NSUN3: variants seen among roughly 807,000 people sequenced by gnomAD.
The protein encoded by NSUN3 is tRNA (cytosine(34)-C(5))-methyltransferase, mitochondrial.
Under a neutral mutation model 36.8 loss-of-function variants are expected in NSUN3, and 24 were observed. The ratio of observed to expected loss-of-function variants is 0.65; its 90% CI spans 0.47 to 0.92. The LOEUF (loss-of-function observed/expected upper bound fraction) is 0.92, where lower values mean the gene tolerates loss of function less well. Among genes scored for constraint, NSUN3 ranks in the 40% least tolerant of loss-of-function variants. The pLI is 0.00. For synonymous variants in NSUN3, 146 were observed against 145.2 expected (o/e 1.01, Z -0.04); for missense variants, 381 against 392.8 (o/e 0.97, Z 0.25).
chr3:94,119,563 G>C lies in NSUN3; in HGVS notation c.744-6648G>C, dbSNP rs76327295. Among the ~76,000 whole-genome samples, 662 of 152,006 alleles carry C rather than the reference G, an allele frequency of 4.4e-3. 6 individuals are homozygous for C. Among genetic ancestry groups the C allele is most frequent in the African/African-American group, 0.014 (595 of 41,508 alleles). On this transcript the variant is annotated intron_variant, in intron 5 of 5. Transcript: ENST00000314622. ...ACCACTCAACTCCTGCTGTGCAGCT[G>C]GGTTCCTAATAGGTCACAGACTGGT...
chr3:94,075,601 C>T (rs543399019), intron 2 of NSUN3, among the ~76,000 whole-genome samples: 25 of 152,060 alleles, frequency 1.6e-4, no homozygotes, highest in African/African-American at 3.9e-4. Flanking sequence ...AAAAACTTGG[C>T]GATATAGCAT....
Position 94,126,702 on chromosome 3 carries a change from C to T in NSUN3, c.*212C>T, listed in dbSNP as rs953607928. The T allele has an allele frequency of 4.0e-6, 2 of 494,070 alleles. No individual in the cohort carries two copies. Among genetic ancestry groups the T allele is most frequent in the South Asian group, 3.3e-5 (1 of 30,524 alleles). The allele number at this position is 494,070 out of a possible 1,614,324, so 30.6% of individuals were successfully genotyped here. A position where few individuals can be genotyped will look rare whatever the true frequency, so the allele number is the denominator to read the frequency against. Reference sequence around the variant, plus strand: ...TCTGTAACAATGATTTAAGGTGGTGCAGATGGTGTTTGTTCTATATTATAA... The same window carrying T: ...TCTGTAACAATGATTTAAGGTGGTGTAGATGGTGTTTGTTCTATATTATAA... On this transcript the variant is annotated 3_prime_UTR_variant, in exon 6 of 6. Transcript: ENST00000314622.
At chr3:94,113,520 A>G (rs1437792197) in intron 5 of NSUN3, among the ~76,000 whole-genome samples, 3 of 152,184 alleles carry the variant, frequency 2.0e-5, no homozygotes, top group Admixed American at 6.6e-5. Context: ...TATGAAAAAG[A>G]GGAAAGGCAG....
chr3:94,086,477 C>T (rs1478690365), intron 3 of NSUN3, among the ~76,000 whole-genome samples: 1 of 152,186 alleles, frequency 6.6e-6, no homozygotes, highest in Admixed American at 6.5e-5. Flanking sequence ...GCCTTCCTGT[C>T]CCTTAGAACA....
intron 5 of NSUN3, among the ~76,000 whole-genome samples, chr3:94,108,659 TTTTTA>T (rs2077402104): frequency 6.8e-6 from 1 of 146,642 alleles, no homozygotes. Context: ...GCGCCTGGCC[TTTTTA>T]TTTTATTTTT....
chr3:94,065,693 T>A lies in NSUN3; in HGVS notation c.122+1147T>A, dbSNP rs547752198. 7.9e-5 allele frequency among the ~76,000 whole-genome samples: 12 copies of A among 152,360 alleles called. No individual in the cohort carries two copies. The South Asian group carries it at 2.5e-3, about 32-fold the overall frequency. On this transcript the variant is annotated intron_variant, in intron 2 of 5. Coordinates refer to ENST00000314622, the MANE Select transcript of NSUN3 (RefSeq NM_022072.5). The stretch of plus-strand genomic sequence containing the variant: ...AGCTGTTATAGAAATTGGTAAATGC[T>A]GTAATATGCAAACCGTTTATACTCG...
intron 5 of NSUN3, among the ~76,000 whole-genome samples, chr3:94,109,108 C>T (rs1661445744): frequency 6.6e-6 from 1 of 152,210 alleles, no homozygotes; most frequent in Admixed American, 6.5e-5. Flanking sequence ...GGGAGAAATT[C>T]CATGGAGAAT....
In NSUN3 at chr3:94,127,594, A is replaced by T. The variant is rs1344643743; in HGVS notation, c.*1104A>T. 1 of 152,172 alleles carries T rather than the reference A, an allele frequency of 6.6e-6. No individual in the cohort carries two copies. The highest frequency in any genetic ancestry group is 1.5e-5 in the Non-Finnish European group (1 of 68,032). The allele number at this position is 152,172 out of a possible 1,614,324, so 9.4% of individuals were successfully genotyped here. A position where few individuals can be genotyped will look rare whatever the true frequency, so the allele number is the denominator to read the frequency against. The stretch of plus-strand genomic sequence containing the variant: ...GCATCACACTTTTTCTCCAGAAATT[A>T]CTTCACTTAGAGTACAAACATATTT... On this transcript the variant is annotated 3_prime_UTR_variant, in exon 6 of 6. Transcript: ENST00000314622.
chr3:94,097,900 T>C (rs981953416), intron 5 of NSUN3, among the ~76,000 whole-genome samples: 4 of 152,170 alleles, frequency 2.6e-5, no homozygotes, highest in Non-Finnish European at 2.9e-5. Context: ...TCCCAATACA[T>C]GAGCTTAGAC....
intron 2 of NSUN3, among the ~76,000 whole-genome samples, chr3:94,072,919 C>T (rs1187911579): frequency 6.6e-6 from 1 of 152,072 alleles, no homozygotes; most frequent in Non-Finnish European, 1.5e-5. Flanking sequence ...CCATCACCTA[C>T]ATTAGGTATT....
At position 94,126,328 on chromosome 3, in the gene NSUN3, G is replaced by A. The variant is rs753892859; in HGVS notation, c.861G>A (p.Met287Ile). The change falls in exon 6 of 6, where the codon ATG (methionine) becomes ATA (isoleucine). Residue 287 changes from methionine (M) to isoleucine (I), a missense_variant. Physicochemically the swap from Met to Ile is conservative, Grantham distance 10. Transcript: ENST00000314622. ...TTTTAAACTCCCACGGTAACATCAT[G>A]CCTATGGACATTAAAGGAATAGCAA... ...SEILNSHGNI[M>I]PMDIKGIART... 2 of 1,614,154 alleles carry A rather than the reference G, an allele frequency of 1.2e-6. No homozygotes were observed. The highest frequency in any genetic ancestry group is 3.3e-5 in the Admixed American group (2 of 60,008).
intron 5 of NSUN3, among the ~76,000 whole-genome samples, chr3:94,120,162 C>A (rs1193952688): frequency 6.6e-6 from 1 of 152,176 alleles, no homozygotes; most frequent in Non-Finnish European, 1.5e-5. Flanking sequence ...GGAACTAAGA[C>A]CAAAATAGTC....
At position 94,129,573 on chromosome 3, in the gene NSUN3, T is replaced by C. The variant is rs1177994316; in HGVS notation, c.*3083T>C. 2.6e-5 allele frequency among the ~76,000 whole-genome samples: 4 copies of C among 152,036 alleles called. No individual in the cohort carries two copies. The highest frequency in any genetic ancestry group is 5.9e-5 in the Non-Finnish European group (4 of 68,008). ...TCACTACCTGGGTGACGGGATCGTC[T>C]GTACCCCAAACCTCAGCATCATCCA... On this transcript the variant is annotated 3_prime_UTR_variant, in exon 6 of 6. Coordinates refer to ENST00000314622, the MANE Select transcript of NSUN3 (RefSeq NM_022072.5).
intron 2 of NSUN3, among the ~76,000 whole-genome samples, chr3:94,065,422 G>A (rs1343184928): frequency 2.0e-5 from 3 of 152,190 alleles, no homozygotes; most frequent in South Asian, 2.1e-4. Context: ...CACTGTTCAT[G>A]AAGTTAGGGC....
intron 2 of NSUN3, among the ~76,000 whole-genome samples, chr3:94,072,927 A>G (rs1018683499): frequency 1.3e-5 from 2 of 151,942 alleles, no homozygotes; most frequent in African/African-American, 4.8e-5. Flanking sequence ...TACATTAGGT[A>G]TTTCTCCTAA....
At chr3:94,118,309 G>A (rs2077448508) in intron 5 of NSUN3, among the ~76,000 whole-genome samples, 1 of 152,106 alleles carries the variant, frequency 6.6e-6, no homozygotes, top group East Asian at 1.9e-4. Context: ...TAAAACCCAA[G>A]ATAATGTTTA....
intron 1 of NSUN3, chr3:94,063,791 T>G (rs2077191909): frequency 6.6e-6 from 1 of 152,292 alleles, no homozygotes; most frequent in South Asian, 2.1e-4. Context: ...CTAATTTTTT[T>G]TTTTTTTTTA....
At chr3:94,092,853 G>C (rs1431140756) in intron 3 of NSUN3, among the ~76,000 whole-genome samples, 1 of 146,134 alleles carries the variant, frequency 6.8e-6, no homozygotes, top group African/African-American at 2.5e-5. Flanking sequence ...CTGGGAGTCA[G>C]AGGTTGCAGT....
chr3:94,066,057 A>C (rs55750249), intron 2 of NSUN3, among the ~76,000 whole-genome samples: 84 of 143,792 alleles, frequency 5.8e-4, no homozygotes, highest in Non-Finnish European at 1.0e-3. Context: ...GATGTGATTT[A>C]AAAAAAAAAA....
Sources: allele counts gnomAD v4.1 joint callset (sites outside exome capture counted in the v4.1 genomes callset), GRCh38; gene constraint gnomAD v4.1.1; transcripts MANE v1.5; gene names NCBI Gene and HGNC (gene_info 2026-07-23, HGNC 2026-07-21).